CASD1: variants seen among roughly 807,000 people sequenced by gnomAD.
The protein encoded by CASD1 is CAS1 domain sialic acid O acetyltransferase 1, also known as N-acetylneuraminate (7)9-O-acetyltransferase.
CASD1 carries 41 observed loss-of-function variants against 100.0 expected under a neutral mutation model. The observed-to-expected ratio is 0.41, with a 90% CI of 0.32 to 0.53. The LOEUF is 0.53. CASD1 is among the 20% of genes least tolerant of loss of function. The probability of loss-of-function intolerance (pLI) is 0.25; values close to 1 mark genes in which losing one functional copy is unlikely to be tolerated. For synonymous variants in CASD1, 321 were observed against 315.6 expected (o/e 1.02, Z -0.18); for missense variants, 774 against 948.7 (o/e 0.82, Z 2.42).
the CASD1 span, chr7:94,586,946 AGAG>A: frequency 1.0e-6 from 1 of 975,228 alleles, no homozygotes; most frequent in Non-Finnish European, 1.2e-6. Context: ...AAAACAACCA[AGAG>A]GAGATACTGT....
chr7:94,588,464 G>A, the CASD1 span: 1 of 1,355,058 alleles, frequency 7.4e-7, no homozygotes, highest in African/African-American at 1.5e-5. Context: ...GGACCTCCAT[G>A]GATGCTTTTG....
the CASD1 span, among the ~76,000 whole-genome samples, chr7:94,594,069 G>A: frequency 4.6e-5 from 7 of 152,096 alleles, no homozygotes; most frequent in South Asian, 2.1e-4. Context: ...CTCTCTTGAC[G>A]TTCCTTTGAT....
chr7:94,560,228 G>A (rs1796318520), downstream of CASD1, among the ~76,000 whole-genome samples: 1 of 152,154 alleles, frequency 6.6e-6, no homozygotes, highest in South Asian at 2.1e-4. Context: ...ATTGGGAGTG[G>A]CATGATGTGT....
In CASD1 at chr7:94,520,120, C is replaced by T. The variant is rs901455896; in HGVS notation, c.351+1797C>T. Among the ~76,000 whole-genome samples the T allele has an allele frequency of 4.6e-5, 7 of 152,232 alleles. No homozygotes were observed. The East Asian group carries it at 1.4e-3, about 29-fold the overall frequency. On this transcript the variant is annotated intron_variant, in intron 3 of 17. Transcript: ENST00000297273. ...AAAGGAAACAAAGATAGTGTGCCCC[C>T]GTCTTAAAGAGACAATTTTCAAGAA...
chr7:94,622,861 A>G, the CASD1 span, among the ~76,000 whole-genome samples: 1 of 152,160 alleles, frequency 6.6e-6, no homozygotes, highest in Non-Finnish European at 1.5e-5. Flanking sequence ...GTTATGGTTT[A>G]TTTGTTTTCC....
At chr7:94,615,008 T>C in the CASD1 span, among the ~76,000 whole-genome samples, 2 of 152,170 alleles carry the variant, frequency 1.3e-5, no homozygotes, top group Non-Finnish European at 2.9e-5. Flanking sequence ...ATATCACCAC[T>C]ATTCCATAAA....
chr7:94,611,772 GTGTTCGAGAATA>G, the CASD1 span, among the ~76,000 whole-genome samples: 2 of 152,142 alleles, frequency 1.3e-5, no homozygotes, highest in African/African-American at 4.8e-5. Flanking sequence ...GATGACAACT[GTGTTCGAGAATA>G]TGTTCACACA....
intron 16 of CASD1, chr7:94,554,036 T>G (rs1796082513): frequency 6.5e-6 from 1 of 153,216 alleles, no homozygotes; most frequent in Non-Finnish European, 1.5e-5. Context: ...GCCATGCCAT[T>G]TCCCGTACTA....
At chr7:94,530,538 T>C in intron 5 of CASD1, among the ~76,000 whole-genome samples, 1 of 152,098 alleles carries the variant, frequency 6.6e-6, no homozygotes, top group East Asian at 1.9e-4. Flanking sequence ...GTACGTTGAA[T>C]TGAATTGAGG....
chr7:94,570,404 A>G, the CASD1 span, among the ~76,000 whole-genome samples: 2 of 152,198 alleles, frequency 1.3e-5, no homozygotes, highest in African/African-American at 4.8e-5. Flanking sequence ...CTCTGCTTCT[A>G]TACAACTGTA....
chr7:94,609,016 T>C, the CASD1 span, among the ~76,000 whole-genome samples: 1 of 152,208 alleles, frequency 6.6e-6, no homozygotes, highest in Non-Finnish European at 1.5e-5. Flanking sequence ...ATGATGATTT[T>C]TTAGTTACAA....
chr7:94,630,770 T>A, the CASD1 span, among the ~76,000 whole-genome samples: 1 of 151,944 alleles, frequency 6.6e-6, no homozygotes, highest in African/African-American at 2.4e-5. Context: ...AGATAAACCC[T>A]ATCAGGCCAG....
chr7:94,522,210 A>G (rs1303007081), intron 3 of CASD1, among the ~76,000 whole-genome samples: 1 of 152,234 alleles, frequency 6.6e-6, no homozygotes, highest in Non-Finnish European at 1.5e-5. Context: ...TTAAAAAGAC[A>G]TATTTAAAAT....
chr7:94,610,799 T>G, the CASD1 span, among the ~76,000 whole-genome samples: 1 of 152,234 alleles, frequency 6.6e-6, no homozygotes, highest in South Asian at 2.1e-4. Context: ...CTCTTACAAC[T>G]TAATCAAAAA....
At chr7:94,609,874 T>TA in the CASD1 span, among the ~76,000 whole-genome samples, 1 of 152,170 alleles carries the variant, frequency 6.6e-6, no homozygotes, top group Non-Finnish European at 1.5e-5. Context: ...CCAAAGGAGT[T>TA]AAAACTTATT....
At chr7:94,604,338 T>C in the CASD1 span, among the ~76,000 whole-genome samples, 1 of 152,032 alleles carries the variant, frequency 6.6e-6, no homozygotes, top group Non-Finnish European at 1.5e-5. Flanking sequence ...ATCAAAATTC[T>C]AGCTGCCTTC....
At chr7:94,544,333 T>C (rs1007547459) in intron 10 of CASD1, 78 bp from the exon 11 acceptor site, 3 of 1,508,814 alleles carry the variant, frequency 2.0e-6, no homozygotes, top group African/African-American at 2.8e-5. Context: ...TTATTATCTT[T>C]GTTAAATGTA....
At chr7:94,574,823 A>T in the CASD1 span, among the ~76,000 whole-genome samples, 2 of 152,086 alleles carry the variant, frequency 1.3e-5, no homozygotes, top group African/African-American at 4.8e-5. Context: ...ACAAAAAATT[A>T]GCCGGGCATG....
the CASD1 span, chr7:94,588,589 T>G: frequency 1.9e-6 from 3 of 1,553,938 alleles, no homozygotes; most frequent in Middle Eastern, 4.5e-4. Flanking sequence ...TTTTGCCTTA[T>G]TTGGTGAAGA....
Sources: gnomAD v4.1 joint callset for allele counts (sites outside exome capture counted in the v4.1 genomes callset) on GRCh38, gnomAD v4.1.1 for gene constraint, MANE v1.5 for transcripts, NCBI Gene and HGNC (gene_info 2026-07-23, HGNC 2026-07-21) for gene names.